SYNPR: variants seen among roughly 807,000 people sequenced by gnomAD.
The protein encoded by SYNPR is synaptoporin.
A neutral mutation model predicts 32.9 loss-of-function variants in SYNPR; 23 were observed. That is an observed-to-expected ratio of 0.70 (90% CI 0.50 to 0.99). SYNPR has a LOEUF of 0.99. Among genes scored for constraint, SYNPR ranks in the 50% least tolerant of loss-of-function variants. The pLI is 0.00. For synonymous variants in SYNPR, 146 were observed against 135.9 expected (o/e 1.07, Z -0.52); for missense variants, 318 against 349.3 (o/e 0.91, Z 0.71).
rs1334882745 is a variant in SYNPR, at chr3:63,476,129, G to A, written c.85-4703G>A. Among the ~76,000 whole-genome samples the A allele has an allele frequency of 2.0e-3, 73 of 37,066 alleles. 2 individuals carry two copies. Among genetic ancestry groups the A allele is most frequent in the African/African-American group, 0.011 (64 of 5,730 alleles). The allele number at this position is 37,066 out of a possible 152,430, so 24.3% of individuals were successfully genotyped here. ...GAGGGGGGAGGAAGGAAGGAAGGAA[G>A]GAAGGAAGGAAGGAAGGAAGGGAGG... On this transcript the variant is annotated intron_variant, in intron 2 of 5. Coordinates refer to ENST00000478300, the MANE Select transcript of SYNPR (RefSeq NM_001130003.2).
At chr3:63,445,751 A>G (rs1219358658) in intron 2 of SYNPR, among the ~76,000 whole-genome samples, 1 of 152,200 alleles carries the variant, frequency 6.6e-6, no homozygotes, top group Non-Finnish European at 1.5e-5. Context: ...GAGCGGGATG[A>G]GTCTCGGAAC....
At chr3:63,370,844 G>C (rs1407412888) in intron 2 of SYNPR, among the ~76,000 whole-genome samples, 5 of 152,304 alleles carry the variant, frequency 3.3e-5, no homozygotes, top group African/African-American at 1.2e-4. Context: ...CTGAGTTAGA[G>C]AAAGACCCCT....
At position 63,561,907 on chromosome 3, in the gene SYNPR, C is replaced by T. The variant is rs73834610; in HGVS notation, c.408+5166C>T. 1.5e-3 allele frequency among the ~76,000 whole-genome samples: 225 copies of T among 152,220 alleles called. 1 individual carries two copies. Among genetic ancestry groups the T allele is most frequent in the African/African-American group, 5.0e-3 (207 of 41,546 alleles). ...CTACTGAATATGTATGACAAGATTG[C>T]CCACCTTTAAGTAAAAATGAGAATC... On this transcript the variant is annotated intron_variant, in intron 4 of 5. Coordinates refer to ENST00000478300, the MANE Select transcript of SYNPR (RefSeq NM_001130003.2).
intron 2 of SYNPR, among the ~76,000 whole-genome samples, chr3:63,414,959 T>C (rs1295182493): frequency 6.6e-6 from 1 of 152,228 alleles, no homozygotes; most frequent in Non-Finnish European, 1.5e-5. Context: ...AATGTGCTAC[T>C]GCAGGCTTTT....
At chr3:63,380,741 G>A (rs1192958485) in intron 2 of SYNPR, among the ~76,000 whole-genome samples, 2 of 152,118 alleles carry the variant, frequency 1.3e-5, no homozygotes, top group African/African-American at 2.4e-5. Flanking sequence ...TGCAAGGCTG[G>A]TTCAACATAT....
intron 1 of SYNPR, among the ~76,000 whole-genome samples, chr3:63,244,538 A>T (rs1269298822): frequency 6.6e-6 from 1 of 151,762 alleles, no homozygotes; most frequent in East Asian, 1.9e-4. Context: ...CTATTCTTTA[A>T]CTCATCCAAC....
intron 2 of SYNPR, among the ~76,000 whole-genome samples, chr3:63,386,768 C>A (rs747139744): frequency 7.2e-5 from 11 of 152,130 alleles, no homozygotes; most frequent in Non-Finnish European, 1.2e-4. Flanking sequence ...CTGGTGGGAG[C>A]CAGTGAGGCT....
intron 2 of SYNPR, among the ~76,000 whole-genome samples, chr3:63,370,137 A>G (rs954519933): frequency 5.3e-5 from 8 of 152,158 alleles, no homozygotes; most frequent in African/African-American, 1.4e-4. Flanking sequence ...AGACAGCTGG[A>G]GGAGATACGT....
At chr3:63,600,168 G>A (rs1029001191) in intron 4 of SYNPR, among the ~76,000 whole-genome samples, 2 of 152,192 alleles carry the variant, frequency 1.3e-5, no homozygotes, top group African/African-American at 4.8e-5. Context: ...TAGTACCTAC[G>A]TCATAAGATG....
Position 63,535,222 on chromosome 3 carries a change from T to G in SYNPR, c.210-21321T>G, listed in dbSNP as rs1346593323. Among the ~76,000 whole-genome samples the G allele has an allele frequency of 4.6e-5, 7 of 152,196 alleles. No individual in the cohort carries two copies. In the East Asian group the frequency reaches 1.3e-3, roughly 29 times the overall value. On this transcript the variant is annotated intron_variant, in intron 3 of 5. Transcript: ENST00000478300. The stretch of plus-strand genomic sequence containing the variant: ...GTAATTATTTTCTGAAGTAATTAAA[T>G]TACTTATCCTTACAAAGAACAATTC...
chr3:63,200,904 A>G, the SYNPR span, among the ~76,000 whole-genome samples: 1 of 152,162 alleles, frequency 6.6e-6, no homozygotes, highest in Non-Finnish European at 1.5e-5. Flanking sequence ...AATGATATCA[A>G]TGGGCTGTCT....
intron 2 of SYNPR, among the ~76,000 whole-genome samples, chr3:63,332,582 ATG>A (rs2087241815): frequency 6.6e-6 from 1 of 152,180 alleles, no homozygotes; most frequent in Non-Finnish European, 1.5e-5. Context: ...GTATGGGTGG[ATG>A]GGTTTTAACC....
chr3:63,521,425 TGC>T (rs1701911953), intron 3 of SYNPR, among the ~76,000 whole-genome samples: 1 of 152,176 alleles, frequency 6.6e-6, no homozygotes, highest in African/African-American at 2.4e-5. Flanking sequence ...ATTTACTGAG[TGC>T]GTGCTGAGTA....
rs1488811580 is a variant in SYNPR, at chr3:63,616,480, T to A, written c.*999T>A. ...GAACCTCTACTACCAGCTATATTTT[T>A]AAATCCTGTTTATTTGTAAAGCTAA... On this transcript the variant is annotated 3_prime_UTR_variant, in exon 6 of 6. Transcript: ENST00000478300. 6.6e-6 allele frequency: 1 copy of A among 152,648 alleles called. No homozygotes were observed. Among genetic ancestry groups the A allele is most frequent in the Non-Finnish European group, 1.5e-5 (1 of 68,040 alleles). The allele number at this position is 152,648 out of a possible 1,614,324, so 9.5% of individuals were successfully genotyped here. A position where few individuals can be genotyped will look rare whatever the true frequency, so the allele number is the denominator to read the frequency against.
chr3:63,382,111 A>G (rs2087978021), intron 2 of SYNPR, among the ~76,000 whole-genome samples: 1 of 152,230 alleles, frequency 6.6e-6, no homozygotes, highest in South Asian at 2.1e-4. Flanking sequence ...AGAAAACTCA[A>G]GAAGGGAAGG....
intron 3 of SYNPR, among the ~76,000 whole-genome samples, chr3:63,548,530 C>T (rs1449791407): frequency 2.0e-5 from 3 of 152,084 alleles, no homozygotes; most frequent in Non-Finnish European, 2.9e-5. Context: ...TTATTACACA[C>T]ATACACATAC....
At chr3:63,230,867 C>A (rs1238805511) in intron 1 of SYNPR, among the ~76,000 whole-genome samples, 1 of 152,106 alleles carries the variant, frequency 6.6e-6, no homozygotes, top group Non-Finnish European at 1.5e-5. Flanking sequence ...AACTGTAAGT[C>A]TGGCTTGTAC....
intron 3 of SYNPR, among the ~76,000 whole-genome samples, chr3:63,543,351 T>C (rs1702340928): frequency 6.6e-6 from 1 of 152,132 alleles, no homozygotes; most frequent in South Asian, 2.1e-4. Flanking sequence ...TTAAATTACT[T>C]GTAAGACTTA....
At chr3:63,312,519 G>C (rs2086978213) in intron 2 of SYNPR, among the ~76,000 whole-genome samples, 1 of 151,738 alleles carries the variant, frequency 6.6e-6, no homozygotes, top group Non-Finnish European at 1.5e-5. Flanking sequence ...TTCCCCTTCT[G>C]TCAGCAGATG....
Sources: allele counts gnomAD v4.1 joint callset (sites outside exome capture counted in the v4.1 genomes callset), GRCh38; gene constraint gnomAD v4.1.1; transcripts MANE v1.5; gene names NCBI Gene and HGNC (gene_info 2026-07-23, HGNC 2026-07-21).